The following PTPRN2 variants were observed in gnomAD, a reference collection of about 807,000 sequenced individuals.
PTPRN2 encodes the protein protein tyrosine phosphatase receptor type N2.
Under a neutral mutation model 118.8 loss-of-function variants are expected in PTPRN2, and 74 were observed. The ratio of observed to expected loss-of-function variants is 0.62; its 90% CI spans 0.52 to 0.76. PTPRN2 has a LOEUF of 0.76. PTPRN2 is among the 30% of genes least tolerant of loss of function. The pLI is 0.00. For missense variants in PTPRN2, 1,481 were observed against 1,394.4 expected, an observed-to-expected ratio of 1.06 and a Z score of -0.99; for synonymous variants, 641 against 608.0, an observed-to-expected ratio of 1.05 and a Z score of -0.80.
At chr7:157,745,168 G>T (rs1288888483) in intron 12 of PTPRN2, among the ~76,000 whole-genome samples, 3 of 152,160 alleles carry the variant, frequency 2.0e-5, no homozygotes, top group Non-Finnish European at 4.4e-5. Context: ...AAGAAATGAG[G>T]ATGAAAGAGG....
Position 158,074,160 on chromosome 7 carries a change from G to A in PTPRN2, c.1723+7138C>T, listed in dbSNP as rs557105724. On this transcript the variant is annotated intron_variant, in intron 11 of 22. Transcript: ENST00000389418. Reference sequence around the variant, plus strand: ...GACGCCCACAGTGTGCTCCATGACCGTCACACCGTCAGCAAAACCCCCTCC... The same window carrying A: ...GACGCCCACAGTGTGCTCCATGACCATCACACCGTCAGCAAAACCCCCTCC... Among the ~76,000 whole-genome samples, 11 of 152,276 alleles carry A rather than the reference G, an allele frequency of 7.2e-5. No homozygotes were observed. The East Asian group carries it at 7.7e-4, about 11-fold the overall frequency.
intron 21 of PTPRN2, among the ~76,000 whole-genome samples, chr7:157,565,675 TA>T (rs1799451180): frequency 6.6e-6 from 1 of 152,118 alleles, no homozygotes; most frequent in Non-Finnish European, 1.5e-5. Context: ...CTCATCCCTT[TA>T]AAAAATTGTG....
Position 158,306,997 on chromosome 7 carries a change from A to G in PTPRN2, c.277+9822T>C, listed in dbSNP as rs571367311. On this transcript the variant is annotated intron_variant, in intron 3 of 22. Transcript: ENST00000389418. ...TTCCCCTGCCTCAGCCTCCCAAGTA[A>G]CTGGGATTACAGGCATGCACCACCA... 4.0e-5 allele frequency among the ~76,000 whole-genome samples: 6 copies of G among 151,376 alleles called. No individual in the cohort carries two copies. In the East Asian group the frequency reaches 5.8e-4, roughly 15 times the overall value.
At chr7:157,943,289 T>C (rs1800261198) in intron 11 of PTPRN2, among the ~76,000 whole-genome samples, 2 of 152,146 alleles carry the variant, frequency 1.3e-5, no homozygotes, top group South Asian at 4.1e-4. Flanking sequence ...GAAAATGTCT[T>C]ACTCTGCGGA....
chr7:158,409,508 C>T (rs1586602525), intron 2 of PTPRN2, among the ~76,000 whole-genome samples: 1 of 152,172 alleles, frequency 6.6e-6, no homozygotes, highest in Non-Finnish European at 1.5e-5. Flanking sequence ...GTCAATTTCC[C>T]CAGGGCTGCC....
intron 11 of PTPRN2, among the ~76,000 whole-genome samples, chr7:157,928,841 G>A (rs1329017906): frequency 7.9e-6 from 1 of 126,918 alleles, no homozygotes; most frequent in Non-Finnish European, 1.6e-5. Context: ...GGGAGAGAGG[G>A]CAGTGCAGAG....
intron 1 of PTPRN2, among the ~76,000 whole-genome samples, chr7:158,531,413 C>G (rs73180245): frequency 0.016 from 2,436 of 152,342 alleles, 39 homozygotes; most frequent in South Asian, 0.039. Flanking sequence ...CCAACCCCAT[C>G]CAGATCCAGG....
At chr7:158,301,430 C>G (rs1800883874) in intron 3 of PTPRN2, among the ~76,000 whole-genome samples, 1 of 152,230 alleles carries the variant, frequency 6.6e-6, no homozygotes, top group South Asian at 2.1e-4. Context: ...AACTAGAACT[C>G]CCAATTCTGA....
At chr7:158,080,319 A>C (rs1812704058) in intron 11 of PTPRN2, among the ~76,000 whole-genome samples, 2 of 24,308 alleles carry the variant, frequency 8.2e-5, no homozygotes, top group South Asian at 6.1e-3. Flanking sequence ...TTAAGCAAAA[A>C]AAAAAAAAAA....
intron 14 of PTPRN2, among the ~76,000 whole-genome samples, chr7:157,649,143 C>T (rs201447295): frequency 5.7e-5 from 7 of 122,386 alleles, no homozygotes; most frequent in South Asian, 3.1e-4. Flanking sequence ...CTCGGTGGGT[C>T]GGACCCATCC....
At position 157,962,620 on chromosome 7, in the gene PTPRN2, G is replaced by A. The variant is rs142429626; in HGVS notation, c.1724-63883C>T. On this transcript the variant is annotated intron_variant, in intron 11 of 22. Transcript: ENST00000389418. ...TTGGTACCTACACACCCGGGGTCAG[G>A]TGCAGCCTGCACATGGCAGGTACTT... Among the ~76,000 whole-genome samples, 854 of 152,334 alleles carry A rather than the reference G, an allele frequency of 5.6e-3. 11 individuals carry two copies. The highest frequency in any genetic ancestry group is 0.019 in the African/African-American group (809 of 41,560).
chr7:158,249,469 A>G lies in PTPRN2; in HGVS notation c.278-44196T>C, dbSNP rs571557212. Among the ~76,000 whole-genome samples the G allele has an allele frequency of 2.3e-3, 347 of 151,118 alleles. 6 individuals are homozygous for G. The highest frequency in any genetic ancestry group is 0.018 in the Admixed American group (271 of 15,206). ...CATACATACATGCATACATACACAT[A>G]TCTACCACACCTGCACACACACACC... On this transcript the variant is annotated intron_variant, in intron 3 of 22. Transcript: ENST00000389418.
At chr7:158,372,936 G>A (rs1054610927) in intron 2 of PTPRN2, among the ~76,000 whole-genome samples, 8 of 152,112 alleles carry the variant, frequency 5.3e-5, no homozygotes, top group African/African-American at 1.9e-4. Context: ...GACAGCTTCC[G>A]GGCATCCCTC....
At position 157,953,521 on chromosome 7, in the gene PTPRN2, C is replaced by T. The variant is rs1393081710; in HGVS notation, c.1724-54784G>A. Reference sequence around the variant, plus strand: ...GAGGCTGCTGGCACGGGTGCCTTTGCTGCCGGCTGCTGTCTGTGCTGCCCT... The same window carrying T: ...GAGGCTGCTGGCACGGGTGCCTTTGTTGCCGGCTGCTGTCTGTGCTGCCCT... On this transcript the variant is annotated intron_variant, in intron 11 of 22. Coordinates refer to ENST00000389418, the MANE Select transcript of PTPRN2 (RefSeq NM_002847.5). This position sits in a 1 kb window ranked among gnomAD's most constrained non-coding sequence, Gnocchi z 4.6. Among the ~76,000 whole-genome samples, 3 of 152,180 alleles carry T rather than the reference C, an allele frequency of 2.0e-5. No homozygotes were observed. The highest frequency in any genetic ancestry group is 2.0e-4 in the Admixed American group (3 of 15,290).
chr7:157,957,931 A>G (rs978116430), intron 11 of PTPRN2, among the ~76,000 whole-genome samples: 2 of 152,236 alleles, frequency 1.3e-5, no homozygotes, highest in Non-Finnish European at 2.9e-5. Flanking sequence ...GACAGACACT[A>G]CAAGCAAACA....
intron 9 of PTPRN2, among the ~76,000 whole-genome samples, chr7:158,131,799 TAC>T (rs923114355): frequency 3.0e-5 from 4 of 133,862 alleles, no homozygotes; most frequent in African/African-American, 8.6e-5. Flanking sequence ...TACACACTCA[TAC>T]ACACACACAC....
intron 11 of PTPRN2, among the ~76,000 whole-genome samples, chr7:157,979,809 C>G (rs1466533340): frequency 6.6e-6 from 1 of 152,226 alleles, no homozygotes; most frequent in Admixed American, 6.5e-5. Context: ...GCGTGATGCA[C>G]AGGCATAAGA....
intron 2 of PTPRN2, among the ~76,000 whole-genome samples, chr7:158,330,032 T>C (rs1246917313): frequency 6.6e-6 from 1 of 150,518 alleles, no homozygotes; most frequent in African/African-American, 2.5e-5. Flanking sequence ...CCATAAGAGG[T>C]GACATCTGCA....
chr7:158,269,819 TAGAA>T (rs1478378690), intron 3 of PTPRN2, among the ~76,000 whole-genome samples: 6 of 139,592 alleles, frequency 4.3e-5, no homozygotes, highest in African/African-American at 1.3e-4. Flanking sequence ...GAGACAGAGA[TAGAA>T]AGAGACAGAG....
Sources: gnomAD v4.1 joint callset for allele counts (sites outside exome capture counted in the v4.1 genomes callset) on GRCh38, gnomAD v4.1.1 for gene constraint, Gnocchi (gnomAD v3.1) non-coding constraint, MANE v1.5 for transcripts, NCBI Gene and HGNC (gene_info 2026-07-23, HGNC 2026-07-21) for gene names.